The following MYT1L variants were observed in gnomAD, a reference collection of about 807,000 sequenced individuals.
MYT1L encodes myelin transcription factor 1-like protein.
In MYT1L, 12 loss-of-function variants were observed where a neutral mutation model predicts 126.7. That is an observed-to-expected ratio of 0.09 (90% CI 0.06 to 0.15). The LOEUF (loss-of-function observed/expected upper bound fraction) is 0.15. MYT1L is among the 10% of genes least tolerant of loss of function. The probability of loss-of-function intolerance (pLI) is 1.00; values close to 1 mark genes in which losing one functional copy is unlikely to be tolerated. For synonymous variants in MYT1L, 541 were observed against 604.2 expected (o/e 0.90, Z 1.53); for missense variants, 979 against 1,585.2 (o/e 0.62, Z 6.49).
In MYT1L at chr2:1,793,325, G is replaced by A. The variant is rs931634091; in HGVS notation, c.3277-861C>T. 1.2e-4 allele frequency among the ~76,000 whole-genome samples: 19 copies of A among 152,210 alleles called. No individual in the cohort carries two copies. The highest frequency in any genetic ancestry group is 4.6e-4 in the African/African-American group (19 of 41,470). Reference sequence around the variant, plus strand: ...AGGACTAGCTTCACACGCAGCAGGCGGGGAGCTGCCCTGCCCATGGGGGTG... The same window carrying A: ...AGGACTAGCTTCACACGCAGCAGGCAGGGAGCTGCCCTGCCCATGGGGGTG... On this transcript the variant is annotated intron_variant, in intron 23 of 24. Coordinates refer to ENST00000647738, the MANE Select transcript of MYT1L (RefSeq NM_001303052.2). This position sits in a 1 kb window ranked among gnomAD's most constrained non-coding sequence, Gnocchi z 4.6.
rs2059036 is a variant in MYT1L at position 2,099,550 on chromosome 2, C to T, written c.-303-45427G>A. On this transcript the variant is annotated intron_variant, in intron 3 of 24. Coordinates refer to ENST00000647738, the MANE Select transcript of MYT1L (RefSeq NM_001303052.2). ...GTCCTTCTCTAAGAAATGTTATTAC[C>T]ACACTTATTTACATTGGGTCTCAAA... Among the ~76,000 whole-genome samples, 610 of 152,220 alleles carry T rather than the reference C, an allele frequency of 4.0e-3. 2 individuals are homozygous for T. Among genetic ancestry groups the T allele is most frequent in the African/African-American group, 0.014 (590 of 41,546 alleles).
intron 4 of MYT1L, among the ~76,000 whole-genome samples, chr2:2,046,543 C>T (rs1024979309): frequency 6.6e-6 from 1 of 152,160 alleles, no homozygotes; most frequent in African/African-American, 2.4e-5. Flanking sequence ...CTCATTCAAT[C>T]AATTTTTACC....
chr2:2,298,509 A>T (rs2095732860), intron 1 of MYT1L, among the ~76,000 whole-genome samples: 1 of 152,228 alleles, frequency 6.6e-6, no homozygotes, highest in Admixed American at 6.5e-5. Context: ...ACAAACTTTT[A>T]TACATTTTCA....
At chr2:2,066,658 T>C (rs558690586) in intron 3 of MYT1L, among the ~76,000 whole-genome samples, 24 of 152,218 alleles carry the variant, frequency 1.6e-4, no homozygotes, top group Admixed American at 1.6e-3. Flanking sequence ...AGAGGTGACC[T>C]GGTCAGGGGC....
chr2:2,216,924 G>C (rs909502180), intron 2 of MYT1L, among the ~76,000 whole-genome samples: 1 of 152,078 alleles, frequency 6.6e-6, no homozygotes, highest in Admixed American at 6.6e-5. Flanking sequence ...CAATAACTTA[G>C]GGGAAATAGA....
chr2:1,869,811 T>G (rs1344378535), intron 18 of MYT1L, among the ~76,000 whole-genome samples: 2 of 152,170 alleles, frequency 1.3e-5, no homozygotes, highest in Non-Finnish European at 2.9e-5. Context: ...AAGTTCAGGT[T>G]TCCCAGCAAG....
chr2:2,295,691 G>GAGAGACAGAC (rs2095672971), intron 1 of MYT1L, among the ~76,000 whole-genome samples: 1 of 85,636 alleles, frequency 1.2e-5, no homozygotes, highest in Non-Finnish European at 2.9e-5. Flanking sequence ...CAGACAGAGA[G>GAGAGACAGAC]AGAGAGAGAG....
At position 1,910,568 on chromosome 2, in the gene MYT1L, G is replaced by T. The variant is rs567316968; in HGVS notation, c.1710-221C>A. On this transcript the variant is annotated intron_variant, in intron 12 of 24. Coordinates refer to ENST00000647738, the MANE Select transcript of MYT1L (RefSeq NM_001303052.2). The surrounding 1 kb of genome is among the most constrained non-coding windows in gnomAD (Gnocchi z 4.8). ...CTGGTCTCCAGCAGAGAATGCTGGCGGCAGTGCTATGTGTGAGGTGTATTC... is the reference window on the plus strand; with the variant it reads ...CTGGTCTCCAGCAGAGAATGCTGGCTGCAGTGCTATGTGTGAGGTGTATTC... Among the ~76,000 whole-genome samples the T allele has an allele frequency of 6.6e-6, 1 of 152,108 alleles. No individual in the cohort carries two copies. Among genetic ancestry groups the T allele is most frequent in the African/African-American group, 2.4e-5 (1 of 41,408 alleles).
rs539586728 is a variant in MYT1L, at chr2:1,929,519, C to T, written c.506-6256G>A. On this transcript the variant is annotated intron_variant, in intron 9 of 24. Transcript: ENST00000647738. This position sits in a 1 kb window ranked among gnomAD's most constrained non-coding sequence, Gnocchi z 4.7. ...CTCCGCTCTAGCCATCACCGTCACG[C>T]TTCCCTACTACATCTAACTCAGCAG... 1.2e-4 allele frequency among the ~76,000 whole-genome samples: 18 copies of T among 152,352 alleles called. No homozygotes were observed. Among genetic ancestry groups the T allele is most frequent in the African/African-American group, 4.1e-4 (17 of 41,592 alleles).
At chr2:1,871,363 G>C (rs557326355) in intron 18 of MYT1L, among the ~76,000 whole-genome samples, 18 of 152,328 alleles carry the variant, frequency 1.2e-4, no homozygotes, top group African/African-American at 4.1e-4. Flanking sequence ...GGAGAATTCC[G>C]GGAGGGCCCC....
chr2:2,033,270 C>T (rs2066593709), intron 4 of MYT1L, among the ~76,000 whole-genome samples: 3 of 146,634 alleles, frequency 2.0e-5, no homozygotes, highest in Admixed American at 6.8e-5. Context: ...CTCGCCAGTG[C>T]CTCTCATCCT....
intron 3 of MYT1L, among the ~76,000 whole-genome samples, chr2:2,166,673 G>T (rs1160969921): frequency 2.6e-5 from 4 of 152,090 alleles, no homozygotes; most frequent in Admixed American, 2.0e-4. Context: ...TTTAAATTTT[G>T]TTTTTTGAAT....
chr2:2,306,816 A>C (rs1259216609), intron 1 of MYT1L, among the ~76,000 whole-genome samples: 1 of 152,208 alleles, frequency 6.6e-6, no homozygotes. Context: ...TTCTGATAGG[A>C]ATATACATCT....
At chr2:2,142,314 T>C (rs1473650552) in intron 3 of MYT1L, among the ~76,000 whole-genome samples, 2 of 152,184 alleles carry the variant, frequency 1.3e-5, no homozygotes, top group African/African-American at 2.4e-5. Context: ...CGAATTGTCA[T>C]AGCATTCTTC....
chr2:2,194,589 G>A (rs778977572), intron 2 of MYT1L, among the ~76,000 whole-genome samples: 1 of 152,168 alleles, frequency 6.6e-6, no homozygotes, highest in Non-Finnish European at 1.5e-5. Flanking sequence ...CCAGTGGGGA[G>A]ACTTGTCCTG....
At chr2:1,851,904 G>A (rs62114691) in intron 18 of MYT1L, among the ~76,000 whole-genome samples, 8 of 152,050 alleles carry the variant, frequency 5.3e-5, no homozygotes, top group Non-Finnish European at 8.8e-5. Flanking sequence ...CGGGAGCTTC[G>A]TGGCTGCTCC....
At chr2:1,869,443 C>T (rs1020484696) in intron 18 of MYT1L, among the ~76,000 whole-genome samples, 1 of 152,256 alleles carries the variant, frequency 6.6e-6, no homozygotes, top group Non-Finnish European at 1.5e-5. Context: ...TGCACGGTGC[C>T]GGTGCACGCA....
chr2:1,919,022 T>C (rs949786341), intron 10 of MYT1L, among the ~76,000 whole-genome samples: 2 of 152,236 alleles, frequency 1.3e-5, no homozygotes, highest in African/African-American at 4.8e-5. Context: ...TAAGAGATTT[T>C]GAACTAGATG....
In MYT1L at chr2:2,093,132, G is replaced by A. The variant is rs954561728; in HGVS notation, c.-303-39009C>T. Among the ~76,000 whole-genome samples, 20 of 152,200 alleles carry A rather than the reference G, an allele frequency of 1.3e-4. No individual in the cohort carries two copies. In the East Asian group the frequency reaches 1.7e-3, roughly 13 times the overall value. On this transcript the variant is annotated intron_variant, in intron 3 of 24. Coordinates refer to ENST00000647738, the MANE Select transcript of MYT1L (RefSeq NM_001303052.2). ...TATTTTTGCTACCTTCTTAAAGAGC[G>A]TTTTCATTAGAGTTTGTCTCCCTCA... is the stretch of plus-strand genomic sequence containing the variant.
Sources: allele counts gnomAD v4.1 joint callset (sites outside exome capture counted in the v4.1 genomes callset), GRCh38; gene constraint gnomAD v4.1.1; non-coding constraint Gnocchi (gnomAD v3.1); transcripts MANE v1.5; gene names NCBI Gene and HGNC (gene_info 2026-07-23, HGNC 2026-07-21).